GLRB: variants seen among roughly 807,000 people sequenced by gnomAD.
GLRB encodes glycine receptor subunit beta.
Under a neutral mutation model 54.2 loss-of-function variants are expected in GLRB, and 33 were observed. The observed-to-expected ratio is 0.61, with a 90% confidence interval of 0.46 to 0.81. The LOEUF (loss-of-function observed/expected upper bound fraction) is 0.81. Ranked by LOEUF, GLRB falls within the 40% of genes least tolerant of loss-of-function variation. The probability of loss-of-function intolerance (pLI) is 0.00; values close to 1 mark genes in which losing one functional copy is unlikely to be tolerated. For synonymous variants in GLRB, 209 were observed against 208.2 expected, an observed-to-expected ratio of 1.00 and a Z score of -0.03; for missense variants, 572 against 584.6, an observed-to-expected ratio of 0.98 and a Z score of 0.22.
intron 2 of GLRB, among the ~76,000 whole-genome samples, chr4:157,104,740 G>A (rs1434675054): frequency 2.6e-5 from 4 of 151,860 alleles, no homozygotes; most frequent in Non-Finnish European, 5.9e-5. Flanking sequence ...TTACTAGTTA[G>A]AAGTCTGTTC....
chr4:157,110,078 C>T (rs79288938), intron 2 of GLRB, among the ~76,000 whole-genome samples: 3,525 of 151,862 alleles, frequency 0.023, 50 homozygotes, highest in African/African-American at 0.043. Context: ...CTGAAGGTTG[C>T]GGGGTGGGAA....
intron 9 of GLRB, among the ~76,000 whole-genome samples, chr4:157,158,207 G>A (rs1737314540): frequency 6.6e-6 from 1 of 152,002 alleles, no homozygotes; most frequent in African/African-American, 2.4e-5. Context: ...ATTTGTTTAA[G>A]TTCTTTGTAG....
chr4:157,159,831 G>A (rs1737399118), intron 9 of GLRB, among the ~76,000 whole-genome samples: 1 of 152,138 alleles, frequency 6.6e-6, no homozygotes, highest in South Asian at 2.1e-4. Flanking sequence ...TTGGTATCAG[G>A]ATGATGTTGG....
intron 2 of GLRB, among the ~76,000 whole-genome samples, chr4:157,088,102 A>G (rs570794815): frequency 6.6e-6 from 1 of 152,296 alleles, no homozygotes; most frequent in African/African-American, 2.4e-5. Context: ...TAAATTGCTA[A>G]TAAAATATGT....
At chr4:157,144,236 G>A (rs17035760) in intron 8 of GLRB, among the ~76,000 whole-genome samples, 5,242 of 151,924 alleles carry the variant, frequency 0.035, 154 homozygotes, top group African/African-American at 0.082. Flanking sequence ...TGATTTTCAC[G>A]GATAACTATG....
chr4:157,169,290 A>G (rs1737830228), intron 9 of GLRB, among the ~76,000 whole-genome samples: 2 of 152,144 alleles, frequency 1.3e-5, no homozygotes, highest in Admixed American at 6.5e-5. Flanking sequence ...ACTCAATGGT[A>G]AGAACAGTGA....
intron 9 of GLRB, among the ~76,000 whole-genome samples, chr4:157,154,462 T>A (rs1365596398): frequency 6.9e-6 from 1 of 145,302 alleles, no homozygotes; most frequent in Admixed American, 6.9e-5. Flanking sequence ...AGTTTCACTC[T>A]TGTTGCCCAG....
chr4:157,120,677 T>A lies in GLRB; in HGVS notation c.229+15T>A, dbSNP rs761155149. 8.6e-7 allele frequency: 1 copy of A among 1,167,350 alleles called. No homozygotes were observed. The highest frequency in any genetic ancestry group is 1.3e-6 in the Non-Finnish European group (1 of 777,050). 72.3% of individuals were successfully genotyped at this position (1,167,350 alleles called of 1,614,324 possible). ...AAACTTCAAAGGTTTGTCTCCCCCA[T>A]ATAAATGTTCATTTTTATTGTTTAA... On this transcript the variant is annotated intron_variant, in intron 3 of 9. Transcript: ENST00000264428.
chr4:157,167,159 A>G (rs1193717325), intron 9 of GLRB, among the ~76,000 whole-genome samples: 2 of 152,178 alleles, frequency 1.3e-5, no homozygotes, highest in African/African-American at 4.8e-5. Flanking sequence ...CAAAAGCATA[A>G]TGAGTACATC....
intron 2 of GLRB, among the ~76,000 whole-genome samples, chr4:157,093,514 G>T (rs1000696025): frequency 6.6e-6 from 1 of 152,028 alleles, no homozygotes; most frequent in African/African-American, 2.4e-5. Context: ...GCTGAGGTGG[G>T]CTGATCACGA....
At chr4:157,147,752 G>T (rs1422440519) in intron 8 of GLRB, among the ~76,000 whole-genome samples, 1 of 152,112 alleles carries the variant, frequency 6.6e-6, no homozygotes, top group Admixed American at 6.5e-5. Flanking sequence ...GGAGCAAAAT[G>T]CATTTGCCCC....
chr4:157,154,929 A>G (rs905557312), intron 9 of GLRB, among the ~76,000 whole-genome samples: 2 of 152,004 alleles, frequency 1.3e-5, no homozygotes, highest in African/African-American at 4.8e-5. Context: ...CCTCTCTTTC[A>G]TCCCTTAAGC....
intron 7 of GLRB, among the ~76,000 whole-genome samples, chr4:157,140,098 G>A (rs1736553456): frequency 6.6e-6 from 1 of 151,972 alleles, no homozygotes; most frequent in East Asian, 1.9e-4. Flanking sequence ...ACTTTAATAT[G>A]TAAGCATTCC....
chr4:157,150,426 C>T lies in GLRB; in HGVS notation c.905-2292C>T, dbSNP rs1361296880. On this transcript the variant is annotated intron_variant, in intron 8 of 9. Coordinates refer to ENST00000264428, the MANE Select transcript of GLRB (RefSeq NM_000824.5). ...AATGTGTGGAATTATGAATACTCCC[C>T]TTTTCCCTCCAAAATCTATAAATAT... 2.6e-5 allele frequency among the ~76,000 whole-genome samples: 4 copies of T among 152,132 alleles called. No homozygotes were observed. In the East Asian group the frequency reaches 5.8e-4, roughly 22 times the overall value.
intron 4 of GLRB, among the ~76,000 whole-genome samples, chr4:157,135,770 T>G (rs1736375625): frequency 6.6e-6 from 1 of 152,194 alleles, no homozygotes; most frequent in Admixed American, 6.6e-5. Context: ...GCAAATAATT[T>G]GAAATGAATT....
intron 2 of GLRB, among the ~76,000 whole-genome samples, chr4:157,103,175 A>G (rs555515350): frequency 1.3e-5 from 2 of 149,718 alleles, no homozygotes; most frequent in Admixed American, 1.3e-4. Context: ...AAAAAAAAAG[A>G]AAGTGAAGTA....
chr4:157,165,797 T>G (rs1406828643), intron 9 of GLRB, among the ~76,000 whole-genome samples: 1 of 152,026 alleles, frequency 6.6e-6, no homozygotes, highest in African/African-American at 2.4e-5. Flanking sequence ...ACACAAAGGT[T>G]TTATGAATAA....
At chr4:157,086,275 T>C (rs565072434) in intron 2 of GLRB, among the ~76,000 whole-genome samples, 3 of 152,360 alleles carry the variant, frequency 2.0e-5, no homozygotes, top group Admixed American at 6.5e-5. Flanking sequence ...TCATCTTAGA[T>C]ATTACTTTGC....
intron 9 of GLRB, among the ~76,000 whole-genome samples, chr4:157,158,223 G>A (rs1037237568): frequency 4.6e-5 from 7 of 151,908 alleles, no homozygotes; most frequent in Non-Finnish European, 8.8e-5. Context: ...TGTAGATCCC[G>A]GATATTAGCC....
Sources: gnomAD v4.1 joint callset for allele counts (sites outside exome capture counted in the v4.1 genomes callset) on GRCh38, gnomAD v4.1.1 for gene constraint, MANE v1.5 for transcripts, NCBI Gene and HGNC (gene_info 2026-07-23, HGNC 2026-07-21) for gene names.